The following MOB1A variants were observed in gnomAD, a reference collection of about 807,000 sequenced individuals.
MOB1A encodes the protein MOB1 Mps One Binder homolog A.
A neutral mutation model predicts 25.1 loss-of-function variants in MOB1A; 10 were observed. That is an observed-to-expected ratio of 0.40 (90% confidence interval 0.25 to 0.68). MOB1A has a LOEUF of 0.68. Ranked by LOEUF, MOB1A falls within the 30% of genes least tolerant of loss-of-function variation. MOB1A has a pLI of 0.40. For synonymous variants in MOB1A, 81 were observed against 79.5 expected (o/e 1.02, Z -0.10); for missense variants, 177 against 256.3 (o/e 0.69, Z 2.11).
At position 74,176,083 on chromosome 2, in the gene MOB1A, TACACACAC is replaced by T. The variant is rs58496712; in HGVS notation, c.14+2570_14+2577del. Among the ~76,000 whole-genome samples the T allele has an allele frequency of 1.2e-3, 156 of 129,320 alleles. 1 individual carries two copies. The highest frequency in any genetic ancestry group is 2.5e-3 in the African/African-American group (82 of 32,578). The allele number at this position is 129,320 out of a possible 152,430, so 84.8% of individuals were successfully genotyped here. Reference sequence around the variant, plus strand: ...CAACATAGTGAAACCCCGCCTCTACTACACACACACACACACACACACACACACACACA... The same window carrying T: ...CAACATAGTGAAACCCCGCCTCTACTACACACACACACACACACACACACA... On this transcript the variant is annotated intron_variant, in intron 1 of 5. Transcript: ENST00000396049.
intron 1 of MOB1A, among the ~76,000 whole-genome samples, chr2:74,173,743 G>T (rs1311756847): frequency 6.7e-6 from 1 of 150,036 alleles, no homozygotes; most frequent in Admixed American, 6.6e-5. Context: ...GAGGTCAGGA[G>T]ATCGAGACCA....
intron 4 of MOB1A, among the ~76,000 whole-genome samples, chr2:74,160,441 T>C (rs111243954): frequency 1.3e-5 from 2 of 152,228 alleles, no homozygotes; most frequent in African/African-American, 4.8e-5. Context: ...TCCCAGCACT[T>C]TGGGAGGCCG....
intron 2 of MOB1A, among the ~76,000 whole-genome samples, chr2:74,171,602 T>C (rs969338736): frequency 4.6e-5 from 7 of 152,142 alleles, no homozygotes; most frequent in African/African-American, 1.4e-4. Flanking sequence ...TGTTTGAAAT[T>C]TTCCATTAAG....
chr2:74,176,276 A>C (rs1572969239), intron 1 of MOB1A, among the ~76,000 whole-genome samples: 1 of 56,918 alleles, frequency 1.8e-5, no homozygotes, highest in East Asian at 3.5e-4. Context: ...ACCCTGTCTC[A>C]AAAAAAAAAA....
chr2:74,170,739 A>AAAAT (rs1455257642), intron 2 of MOB1A, among the ~76,000 whole-genome samples: 2 of 151,116 alleles, frequency 1.3e-5, no homozygotes, highest in East Asian at 3.9e-4. Flanking sequence ...AAAAAAAAAA[A>AAAAT]AATTAGCAGG....
chr2:74,173,191 A>T (rs1558838657), intron 1 of MOB1A: 1 of 518,154 alleles, frequency 1.9e-6, no homozygotes, highest in South Asian at 1.4e-5. Context: ...GATGATCACA[A>T]TACAAGAATG....
chr2:74,169,491 T>A (rs1205944788), intron 2 of MOB1A, among the ~76,000 whole-genome samples: 2 of 152,136 alleles, frequency 1.3e-5, no homozygotes, highest in Non-Finnish European at 2.9e-5. Flanking sequence ...AGGGCGATAC[T>A]GTCTCGAGAG....
At chr2:74,159,333 T>C in intron 4 of MOB1A, 79 bp from the exon 5 acceptor site, 9 of 1,292,352 alleles carry the variant, frequency 7.0e-6, no homozygotes, top group Non-Finnish European at 8.8e-6. Flanking sequence ...AGGGTCTCAC[T>C]TTGTCACTCA....
At chr2:74,161,663 G>A (rs560618047) in intron 4 of MOB1A, among the ~76,000 whole-genome samples, 35 of 144,352 alleles carry the variant, frequency 2.4e-4, no homozygotes, top group African/African-American at 8.0e-4. Flanking sequence ...AAAAAAAAAA[G>A]CAGTATTCTG....
At chr2:74,176,359 A>T (rs939531490) in intron 1 of MOB1A, among the ~76,000 whole-genome samples, 2 of 151,312 alleles carry the variant, frequency 1.3e-5, no homozygotes, top group South Asian at 2.1e-4. Context: ...TTAACATGAT[A>T]AAAAAAACTA....
At position 74,155,176 on chromosome 2, in the gene MOB1A, T is replaced by C. The variant is rs1302294680; in HGVS notation, c.*1392A>G. ...CAGTTTGGCAAGTCTTCCAGTATAATACTTGTTGTGCCTCAGTACATTTTA... is the reference window on the plus strand; with the variant it reads ...CAGTTTGGCAAGTCTTCCAGTATAACACTTGTTGTGCCTCAGTACATTTTA... On this transcript the variant is annotated 3_prime_UTR_variant, in exon 6 of 6. Transcript: ENST00000396049. 1.3e-5 allele frequency: 2 copies of C among 152,572 alleles called. No individual in the cohort carries two copies. The highest frequency in any genetic ancestry group is 6.5e-5 in the Admixed American group (1 of 15,284). 9.5% of individuals were successfully genotyped at this position (152,572 alleles called of 1,614,324 possible).
intron 1 of MOB1A, among the ~76,000 whole-genome samples, chr2:74,177,172 G>A (rs1435144103): frequency 6.6e-6 from 1 of 152,008 alleles, no homozygotes; most frequent in Admixed American, 6.6e-5. Flanking sequence ...AATGAGCCAG[G>A]TGTGGTGGCC....
At position 74,153,259 on chromosome 2, in the gene MOB1A, A is replaced by G. The variant is rs577906097; in HGVS notation, c.*3309T>C. 1 of 152,316 alleles carries G rather than the reference A, an allele frequency of 6.6e-6. No homozygotes were observed. Among genetic ancestry groups the G allele is most frequent in the East Asian group, 1.9e-4 (1 of 5,186 alleles). The allele number at this position is 152,316 out of a possible 1,614,324, so 9.4% of individuals were successfully genotyped here. ...CTAGGACTTACGCTCTTTGGGCCTG[A>G]TTTGTTAATGCTTATGAGGTAATGA... On this transcript the variant is annotated 3_prime_UTR_variant, in exon 6 of 6. Transcript: ENST00000396049.
At chr2:74,160,931 G>C (rs986857862) in intron 4 of MOB1A, among the ~76,000 whole-genome samples, 11 of 151,876 alleles carry the variant, frequency 7.2e-5, no homozygotes, top group African/African-American at 2.7e-4. Flanking sequence ...TGGTGACTAA[G>C]GCCTGTAATC....
chr2:74,174,168 A>T (rs1211745228), intron 1 of MOB1A, among the ~76,000 whole-genome samples: 1 of 134,960 alleles, frequency 7.4e-6, no homozygotes, highest in Non-Finnish European at 1.6e-5. Flanking sequence ...CTACTCGGGA[A>T]GCTGAGGCAG....
At position 74,152,539 on chromosome 2, in the gene MOB1A, CAA is replaced by C. The variant is rs1172146482; in HGVS notation, c.*4027_*4028del. 2.0e-5 allele frequency: 3 copies of C among 152,322 alleles called. No homozygotes were observed. The highest frequency in any genetic ancestry group is 1.9e-4 in the East Asian group (1 of 5,194). 9.4% of individuals were successfully genotyped at this position (152,322 alleles called of 1,614,324 possible). A position where few individuals can be genotyped will look rare whatever the true frequency, so the allele number is the denominator to read the frequency against. On this transcript the variant is annotated 3_prime_UTR_variant, in exon 6 of 6. Coordinates refer to ENST00000396049, the MANE Select transcript of MOB1A (RefSeq NM_018221.5). ...AAATCCACAGAATCTGCAAAACTCTCAAGTTTCTATATTTAAATAGAAATGTG... is the reference window on the plus strand; with the variant it reads ...AAATCCACAGAATCTGCAAAACTCTCGTTTCTATATTTAAATAGAAATGTG...
chr2:74,158,201 G>GA (rs72540773), intron 5 of MOB1A, among the ~76,000 whole-genome samples: 59 of 120,900 alleles, frequency 4.9e-4, no homozygotes, highest in African/African-American at 1.6e-3. Context: ...AAAAGAGGGG[G>GA]GAAAAAAAAA....
rs141268047 is a variant in MOB1A, at chr2:74,177,390, C to T, written c.14+1271G>A. On this transcript the variant is annotated intron_variant, in intron 1 of 5. Coordinates refer to ENST00000396049, the MANE Select transcript of MOB1A (RefSeq NM_018221.5). ...AAAAGAAAAAGTCTCGTATTAAGGT[C>T]CACAAAGCAACTGTGCATTCACTAA... 4.2e-3 allele frequency among the ~76,000 whole-genome samples: 633 copies of T among 152,174 alleles called. 6 individuals are homozygous for T. The highest frequency in any genetic ancestry group is 0.015 in the African/African-American group (611 of 41,520).
intron 1 of MOB1A, among the ~76,000 whole-genome samples, chr2:74,174,242 G>A (rs1156485309): frequency 6.9e-6 from 1 of 145,978 alleles, no homozygotes; most frequent in Non-Finnish European, 1.5e-5. Context: ...CTGCACTCCA[G>A]CTTGGCAACA....
Sources: gnomAD v4.1 joint callset for allele counts (sites outside exome capture counted in the v4.1 genomes callset) on GRCh38, gnomAD v4.1.1 for gene constraint, MANE v1.5 for transcripts, NCBI Gene and HGNC (gene_info 2026-07-23, HGNC 2026-07-21) for gene names.